The following ADGRB3 variants were observed in gnomAD, a reference collection of about 807,000 sequenced individuals.
ADGRB3 encodes brain-specific angiogenesis inhibitor 3.
ADGRB3 carries 37 observed loss-of-function variants against 193.4 expected under a neutral mutation model. The observed-to-expected ratio is 0.19, with a 90% CI of 0.15 to 0.25. ADGRB3 has a LOEUF of 0.25. ADGRB3 is among the 10% of genes least tolerant of loss of function. The probability of loss-of-function intolerance (pLI) is 1.00; values close to 1 mark genes in which losing one functional copy is unlikely to be tolerated. For synonymous variants in ADGRB3, 690 were observed against 644.2 expected (o/e 1.07, Z -1.08); for missense variants, 1,637 against 1,852.9 (o/e 0.88, Z 2.14).
intron 3 of ADGRB3, among the ~76,000 whole-genome samples, chr6:68,802,738 T>C (rs56892941): frequency 0.011 from 1,741 of 152,300 alleles, 32 homozygotes; most frequent in African/African-American, 0.037. Flanking sequence ...CACAATGCCA[T>C]GGATTCATCA....
chr6:69,099,634 G>T (rs1199686608), intron 17 of ADGRB3, among the ~76,000 whole-genome samples: 1 of 152,182 alleles, frequency 6.6e-6, no homozygotes, highest in Admixed American at 6.5e-5. Context: ...ACTATTAAGT[G>T]CTTGTTGATT....
At chr6:68,848,106 AAAT>A (rs1768318554) in intron 3 of ADGRB3, among the ~76,000 whole-genome samples, 1 of 152,038 alleles carries the variant, frequency 6.6e-6, no homozygotes, top group Non-Finnish European at 1.5e-5. Context: ...CACTTAATAA[AAAT>A]AAAAACAGTT....
chr6:68,856,185 A>G (rs1227787949), intron 3 of ADGRB3, among the ~76,000 whole-genome samples: 1 of 152,146 alleles, frequency 6.6e-6, no homozygotes, highest in Non-Finnish European at 1.5e-5. Context: ...TCTTTTGTAA[A>G]TTGCCCAGTC....
intron 17 of ADGRB3, among the ~76,000 whole-genome samples, chr6:69,179,022 T>A (rs78311499): frequency 0.025 from 3,742 of 152,272 alleles, 146 homozygotes; most frequent in African/African-American, 0.085. Context: ...CTTCTTGAAT[T>A]GTTATGTCAA....
chr6:69,361,216 TC>T lies in ADGRB3; in HGVS notation c.3944del (p.Ser1315LeufsTer2). ...ESDYIVMPRS[S>X]VNNQPSMKEE... Reference sequence around the variant, plus strand: ...TGACTATATTGTGATGCCCAGAAGTTCTGTAAATAACCAGCCTTCAATGAAA... The same window carrying T: ...TGACTATATTGTGATGCCCAGAAGTTTGTAAATAACCAGCCTTCAATGAAA... On this transcript the variant is annotated frameshift_variant, in exon 29 of 32. Coordinates refer to ENST00000370598, the MANE Select transcript of ADGRB3 (RefSeq NM_001704.3). LOFTEE classifies it high-confidence loss of function. 6.2e-7 allele frequency: 1 copy of T among 1,612,696 alleles called. No individual in the cohort carries two copies. Among genetic ancestry groups the T allele is most frequent in the Non-Finnish European group, 8.5e-7 (1 of 1,179,292 alleles).
chr6:68,945,717 A>G (rs911421678), intron 6 of ADGRB3, among the ~76,000 whole-genome samples: 2 of 152,166 alleles, frequency 1.3e-5, no homozygotes, highest in African/African-American at 2.4e-5. Context: ...TGGTTAAAAT[A>G]TTGTGAACCA....
intron 16 of ADGRB3, among the ~76,000 whole-genome samples, chr6:69,075,692 A>T (rs1271735851): frequency 1.3e-5 from 2 of 152,176 alleles, no homozygotes; most frequent in Non-Finnish European, 2.9e-5. Context: ...TAAGTATAAA[A>T]TCAAAATCGT....
chr6:68,925,523 T>C (rs1047921807), intron 3 of ADGRB3, among the ~76,000 whole-genome samples: 2 of 152,060 alleles, frequency 1.3e-5, no homozygotes, highest in Admixed American at 1.3e-4. Flanking sequence ...CAGCAAATCA[T>C]ATTTTAATAT....
chr6:68,806,352 G>A (rs1399551893), intron 3 of ADGRB3, among the ~76,000 whole-genome samples: 1 of 151,996 alleles, frequency 6.6e-6, no homozygotes, highest in Non-Finnish European at 1.5e-5. Flanking sequence ...AGACAGAATT[G>A]TCTCAGTTGT....
At chr6:69,350,549 G>C (rs747727148) in intron 26 of ADGRB3, among the ~76,000 whole-genome samples, 3 of 151,836 alleles carry the variant, frequency 2.0e-5, no homozygotes, top group Non-Finnish European at 4.4e-5. Context: ...GCATTTACTG[G>C]TATCAAGTAA....
At chr6:68,868,624 T>C (rs1765371456) in intron 3 of ADGRB3, among the ~76,000 whole-genome samples, 1 of 152,214 alleles carries the variant, frequency 6.6e-6, no homozygotes, top group South Asian at 2.1e-4. Flanking sequence ...GCTCCCAAAA[T>C]ACCTATTTTG....
intron 16 of ADGRB3, among the ~76,000 whole-genome samples, chr6:69,070,717 A>C (rs1048029989): frequency 1.3e-5 from 2 of 152,172 alleles, no homozygotes; most frequent in African/African-American, 4.8e-5. Flanking sequence ...ATGAATCTAC[A>C]TTTTCAGTAT....
At chr6:69,287,542 T>C (rs1421964223) in intron 20 of ADGRB3, among the ~76,000 whole-genome samples, 1 of 152,152 alleles carries the variant, frequency 6.6e-6, no homozygotes, top group Non-Finnish European at 1.5e-5. Context: ...TTCACAAATA[T>C]TGATTTATTA....
In ADGRB3 at chr6:69,337,678, C is replaced by T. The variant is rs538536609; in HGVS notation, c.3189-1238C>T. Among the ~76,000 whole-genome samples, 16 of 152,284 alleles carry T rather than the reference C, an allele frequency of 1.1e-4. No homozygotes were observed. In the East Asian group the frequency reaches 3.1e-3, roughly 29 times the overall value. On this transcript the variant is annotated intron_variant, in intron 24 of 31. Coordinates refer to ENST00000370598, the MANE Select transcript of ADGRB3 (RefSeq NM_001704.3). ...GATTTAGTGTCATATTCCCCACCCC[C>T]ACACTCATGTCTGAAAGCTTTGATT...
chr6:69,365,960 A>C (rs1769559102), intron 29 of ADGRB3, among the ~76,000 whole-genome samples: 1 of 152,096 alleles, frequency 6.6e-6, no homozygotes. Flanking sequence ...CATTACTGTA[A>C]TGCCCTGAAT....
At chr6:69,161,395 A>C (rs1305454428) in intron 17 of ADGRB3, among the ~76,000 whole-genome samples, 1 of 152,050 alleles carries the variant, frequency 6.6e-6, no homozygotes, top group African/African-American at 2.4e-5. Flanking sequence ...AGGACCTTAT[A>C]GGCTTAGCTA....
chr6:68,755,071 C>G (rs529483407), intron 3 of ADGRB3, among the ~76,000 whole-genome samples: 134 of 152,250 alleles, frequency 8.8e-4, no homozygotes, highest in African/African-American at 3.2e-3. Context: ...ATAAACACAA[C>G]TTAATTTAGG....
At chr6:68,852,586 C>T (rs1034635129) in intron 3 of ADGRB3, among the ~76,000 whole-genome samples, 3 of 151,922 alleles carry the variant, frequency 2.0e-5, no homozygotes, top group African/African-American at 7.2e-5. Flanking sequence ...ATTTTGGCTT[C>T]ATTAAACATT....
intron 17 of ADGRB3, among the ~76,000 whole-genome samples, chr6:69,143,143 G>C (rs1281969558): frequency 3.9e-5 from 6 of 152,144 alleles, no homozygotes; most frequent in Admixed American, 2.6e-4. Flanking sequence ...ATGATATTGA[G>C]CACCTTTTCA....
Sources: gnomAD v4.1 joint callset for allele counts (sites outside exome capture counted in the v4.1 genomes callset) on GRCh38, gnomAD v4.1.1 for gene constraint, MANE v1.5 for transcripts, NCBI Gene and HGNC (gene_info 2026-07-23, HGNC 2026-07-21) for gene names.